The following TSPAN5 variants were observed in gnomAD, a reference collection of about 807,000 sequenced individuals.
The protein encoded by TSPAN5 is tetraspanin-5.
TSPAN5 carries 10 observed loss-of-function variants against 37.1 expected under a neutral mutation model. That is an observed-to-expected ratio of 0.27 (90% confidence interval 0.17 to 0.46). The LOEUF is 0.46. TSPAN5 is among the 20% of genes least tolerant of loss of function. The probability of loss-of-function intolerance (pLI) is 1.00; values close to 1 mark genes in which losing one functional copy is unlikely to be tolerated. For synonymous variants in TSPAN5, 110 were observed against 118.9 expected (o/e 0.93, Z 0.48); for missense variants, 195 against 326.6 (o/e 0.60, Z 3.11).
chr4:98,490,286 G>C (rs895723962), intron 2 of TSPAN5, among the ~76,000 whole-genome samples: 2 of 152,100 alleles, frequency 1.3e-5, no homozygotes, highest in African/African-American at 4.8e-5. Context: ...GCCCGAAATA[G>C]CAAAATAATC....
chr4:98,566,893 C>A (rs1755017317), intron 1 of TSPAN5, among the ~76,000 whole-genome samples: 1 of 152,196 alleles, frequency 6.6e-6, no homozygotes, highest in Non-Finnish European at 1.5e-5. Flanking sequence ...AACGAACAAG[C>A]CTCGGCCTCA....
chr4:98,630,967 A>C, intron 1 of TSPAN5, among the ~76,000 whole-genome samples: 1 of 152,232 alleles, frequency 6.6e-6, no homozygotes, highest in East Asian at 1.9e-4. Context: ...AGAAACTGCC[A>C]TCTGGAAGGC....
At chr4:98,483,502 G>A (rs1207761045) in intron 3 of TSPAN5, 1 of 152,244 alleles carries the variant, frequency 6.6e-6, no homozygotes, top group East Asian at 1.9e-4. Context: ...GGGTATCCTT[G>A]CCTTCGAAGA....
intron 1 of TSPAN5, among the ~76,000 whole-genome samples, chr4:98,604,082 G>GA (rs1000633237): frequency 1.5e-3 from 220 of 147,548 alleles, no homozygotes; most frequent in Non-Finnish European, 2.5e-3. Flanking sequence ...GAACTAGCAT[G>GA]AAAAAAAAAA....
At chr4:98,544,936 T>G (rs891850728) in intron 1 of TSPAN5, among the ~76,000 whole-genome samples, 3 of 152,212 alleles carry the variant, frequency 2.0e-5, no homozygotes, top group Non-Finnish European at 4.4e-5. Flanking sequence ...GATGGGCATC[T>G]GCTGAGATGC....
At chr4:98,640,382 T>C (rs1461291261) in intron 1 of TSPAN5, among the ~76,000 whole-genome samples, 1 of 152,196 alleles carries the variant, frequency 6.6e-6, no homozygotes, top group Admixed American at 6.5e-5. Context: ...TCTAGGCATA[T>C]TTATATACAT....
chr4:98,510,601 T>C (rs1003426046), intron 1 of TSPAN5, among the ~76,000 whole-genome samples: 6 of 152,138 alleles, frequency 3.9e-5, no homozygotes, highest in African/African-American at 1.4e-4. Context: ...GCCATATAAA[T>C]AGCTTGGAAA....
Position 98,472,408 on chromosome 4 carries a change from G to T in TSPAN5, c.*114C>A. On this transcript the variant is annotated 3_prime_UTR_variant, in exon 8 of 8. Coordinates refer to ENST00000305798, the MANE Select transcript of TSPAN5 (RefSeq NM_005723.4). ...CCCTAATGGCAGCTCCATTAGGCGAGACTGCAGGCTGCATCTGTGATTAGG... is the reference window on the plus strand; with the variant it reads ...CCCTAATGGCAGCTCCATTAGGCGATACTGCAGGCTGCATCTGTGATTAGG... The T allele has an allele frequency of 2.4e-6, 2 of 830,498 alleles. No homozygotes were observed. The highest frequency in any genetic ancestry group is 1.8e-5 in the South Asian group (1 of 55,918). The allele number at this position is 830,498 out of a possible 1,614,324, so 51.4% of individuals were successfully genotyped here.
intron 1 of TSPAN5, among the ~76,000 whole-genome samples, chr4:98,570,483 G>A (rs1437345748): frequency 6.6e-6 from 1 of 152,132 alleles, no homozygotes; most frequent in African/African-American, 2.4e-5. Flanking sequence ...TCCATTGACT[G>A]AAAATTTAAA....
intron 1 of TSPAN5, among the ~76,000 whole-genome samples, chr4:98,542,217 C>CT (rs1754374940): frequency 6.6e-6 from 1 of 152,234 alleles, no homozygotes; most frequent in Non-Finnish European, 1.5e-5. Context: ...ACCAGTGGTC[C>CT]TAGTGCCAAC....
chr4:98,542,719 TAA>T lies in TSPAN5; in HGVS notation c.82-34993_82-34992del, dbSNP rs11326064. On this transcript the variant is annotated intron_variant, in intron 1 of 7. Transcript: ENST00000305798. Reference sequence around the variant, plus strand: ...GGGTGACAGTGAGACCTCATCTCTTTAAAAAAAAAAAAAAAAAAAAAAGACTC... The same window carrying T: ...GGGTGACAGTGAGACCTCATCTCTTTAAAAAAAAAAAAAAAAAAAAGACTC... Among the ~76,000 whole-genome samples, 910 of 101,790 alleles carry T rather than the reference TAA, an allele frequency of 8.9e-3. 6 individuals are homozygous for T. Among genetic ancestry groups the T allele is most frequent in the African/African-American group, 0.026 (664 of 25,568 alleles). 66.8% of individuals were successfully genotyped at this position (101,790 alleles called of 152,430 possible). A position where few individuals can be genotyped will look rare whatever the true frequency, so the allele number is the denominator to read the frequency against.
chr4:98,546,594 C>T (rs1754477047), intron 1 of TSPAN5, among the ~76,000 whole-genome samples: 2 of 152,096 alleles, frequency 1.3e-5, no homozygotes, highest in African/African-American at 4.8e-5. Context: ...ATATACTTTC[C>T]TATAAATCAT....
At chr4:98,528,965 C>T (rs1158168588) in intron 1 of TSPAN5, among the ~76,000 whole-genome samples, 3 of 152,134 alleles carry the variant, frequency 2.0e-5, no homozygotes, top group African/African-American at 7.2e-5. Context: ...TCACATTTAA[C>T]AGGTGAGGAA....
intron 2 of TSPAN5, among the ~76,000 whole-genome samples, chr4:98,505,795 C>T (rs1019460645): frequency 5.3e-5 from 8 of 152,216 alleles, no homozygotes; most frequent in African/African-American, 1.9e-4. Flanking sequence ...ACCCGCTTCA[C>T]CCTCTGCTGC....
intron 1 of TSPAN5, among the ~76,000 whole-genome samples, chr4:98,557,047 T>C (rs549657426): frequency 2.0e-5 from 3 of 152,302 alleles, no homozygotes; most frequent in East Asian, 3.9e-4. Flanking sequence ...AGTTTAAACA[T>C]TGACTAAACA....
At chr4:98,505,428 C>G (rs1441840441) in intron 2 of TSPAN5, among the ~76,000 whole-genome samples, 1 of 152,146 alleles carries the variant, frequency 6.6e-6, no homozygotes, top group Non-Finnish European at 1.5e-5. Context: ...AAGTCCCTGC[C>G]TCAGGGCCAC....
intron 1 of TSPAN5, among the ~76,000 whole-genome samples, chr4:98,586,826 T>G (rs1170738273): frequency 3.3e-5 from 5 of 152,198 alleles, no homozygotes; most frequent in Non-Finnish European, 7.3e-5. Context: ...TGCCAACTCT[T>G]CACACAGTGA....
chr4:98,570,233 A>C (rs1345843408), intron 1 of TSPAN5, among the ~76,000 whole-genome samples: 2 of 152,236 alleles, frequency 1.3e-5, no homozygotes, highest in Non-Finnish European at 2.9e-5. Context: ...GGTAAAAAAC[A>C]AATAGCAAGA....
intron 2 of TSPAN5, among the ~76,000 whole-genome samples, chr4:98,499,657 CTTTTTT>C (rs757802654): frequency 9.3e-6 from 1 of 108,090 alleles, no homozygotes; most frequent in East Asian, 2.7e-4. Context: ...GTTTCCAGCT[CTTTTTT>C]TTTTTTTTTT....
Sources: allele counts gnomAD v4.1 joint callset (sites outside exome capture counted in the v4.1 genomes callset), GRCh38; gene constraint gnomAD v4.1.1; transcripts MANE v1.5; gene names NCBI Gene and HGNC (gene_info 2026-07-23, HGNC 2026-07-21).